HNRNPDL: variants seen among roughly 807,000 people sequenced by gnomAD.
The protein encoded by HNRNPDL is heterogeneous nuclear ribonucleoprotein D like.
Under a neutral mutation model 48.0 loss-of-function variants are expected in HNRNPDL, and 18 were observed. The ratio of observed to expected loss-of-function variants is 0.38; its 90% CI spans 0.26 to 0.56. The LOEUF is 0.56. Ranked by LOEUF, HNRNPDL falls within the 20% of genes least tolerant of loss-of-function variation. The pLI is 0.77. For synonymous variants in HNRNPDL, 306 were observed against 207.3 expected (o/e 1.48, Z -4.09); for missense variants, 553 against 540.7 (o/e 1.02, Z -0.23).
chr4:82,428,123 G>C lies in HNRNPDL; in HGVS notation c.669C>G (p.Ala223=). Residue 223 remains alanine (A), a synonymous_variant, in exon 3 of 8, where the codon GCC becomes GCG. Transcript: ENST00000295470. The part of the protein sequence containing the change: ...LDGKLIDPKR[A]KALKGKEPPK... ...GAGGTTCTTTCCCTTTTAAAGCTTTGGCCCTTTTGGGATCTATCAATTTGC... is the reference window on the plus strand; with the variant it reads ...GAGGTTCTTTCCCTTTTAAAGCTTTCGCCCTTTTGGGATCTATCAATTTGC... 1 of 1,613,998 alleles carries C rather than the reference G, an allele frequency of 6.2e-7. No individual in the cohort carries two copies. Among genetic ancestry groups the C allele is most frequent in the Non-Finnish European group, 8.5e-7 (1 of 1,179,988 alleles).
rs1220584628 is a variant in HNRNPDL at position 82,424,744 on chromosome 4, A to C, written c.*162T>G. 1.3e-5 allele frequency: 2 copies of C among 152,552 alleles called. No individual in the cohort carries two copies. The highest frequency in any genetic ancestry group is 2.4e-5 in the African/African-American group (1 of 41,450). The allele number at this position is 152,552 out of a possible 1,614,324, so 9.4% of individuals were successfully genotyped here. On this transcript the variant is annotated 3_prime_UTR_variant, in exon 8 of 8. Coordinates refer to ENST00000295470, the MANE Select transcript of HNRNPDL (RefSeq NM_031372.4). ...GCAAAGGACAAAGTAAAAACAAAGAAAACTAATTGGCAGCTATATACAGTT... is the reference window on the plus strand; with the variant it reads ...GCAAAGGACAAAGTAAAAACAAAGACAACTAATTGGCAGCTATATACAGTT...
chr4:82,426,724 C>A, intron 5 of HNRNPDL, 91 bp from the exon 6 acceptor site: 1 of 1,060,540 alleles, frequency 9.4e-7, no homozygotes, highest in South Asian at 1.3e-5. Flanking sequence ...CTCTGCAAAT[C>A]TTAAAGGGCA....
At chr4:82,429,157 G>T in intron 1 of HNRNPDL, 91 bp downstream of exon 1, 2 of 1,231,320 alleles carry the variant, frequency 1.6e-6, no homozygotes. Context: ...TCGACTCTGA[G>T]AAAGAATGGG....
rs779963713 is a variant in HNRNPDL, at chr4:82,424,754, G to A, written c.*152C>T. ...AAGTAAAAACAAAGAAAACTAATTG[G>A]CAGCTATATACAGTTGGACACAATG... On this transcript the variant is annotated 3_prime_UTR_variant, in exon 8 of 8. Transcript: ENST00000295470. 6.6e-6 allele frequency: 1 copy of A among 152,364 alleles called. No homozygotes were observed. Among genetic ancestry groups the A allele is most frequent in the African/African-American group, 2.4e-5 (1 of 41,408 alleles). The allele number at this position is 152,364 out of a possible 1,614,324, so 9.4% of individuals were successfully genotyped here. A position where few individuals can be genotyped will look rare whatever the true frequency, so the allele number is the denominator to read the frequency against.
In HNRNPDL at chr4:82,429,369, C is replaced by G; in HGVS notation, c.322G>C (p.Ala108Pro). Residue 108 changes from alanine (A) to proline (P), a missense_variant, in exon 1 of 8, where the codon GCG becomes CCG. Physicochemically the swap from Ala to Pro is conservative, Grantham distance 27. Transcript: ENST00000295470. ...CTGTCGGCAGGGGGGTGCTGGCGCG[C>G]AGTCCGGGTCGCGGCAGCAGCGGCG... ...SAAAAAATRTARQHPPADSSV... is the reference protein window; with the variant it reads ...SAAAAAATRTPRQHPPADSSV... The G allele has an allele frequency of 3.1e-6, 5 of 1,613,610 alleles. No homozygotes were observed. Among genetic ancestry groups the G allele is most frequent in the Non-Finnish European group, 4.2e-6 (5 of 1,179,838 alleles).
At chr4:82,428,920 G>A (rs996701808) in intron 1 of HNRNPDL, among the ~76,000 whole-genome samples, 1 of 152,234 alleles carries the variant, frequency 6.6e-6, no homozygotes, top group Non-Finnish European at 1.5e-5. Context: ...TGGTAACAGA[G>A]ACACAATGAA....
chr4:82,427,348 AAAATT>A, intron 4 of HNRNPDL, 44 bp from the exon 5 acceptor site: 3 of 1,537,452 alleles, frequency 2.0e-6, no homozygotes, highest in Non-Finnish European at 2.6e-6. Flanking sequence ...CCGAAGTTCT[AAAATT>A]AAATCATTTT....
intron 5 of HNRNPDL, 43 bp from the exon 6 acceptor site, chr4:82,426,676 C>A: frequency 6.5e-7 from 1 of 1,537,794 alleles, no homozygotes; most frequent in Non-Finnish European, 9.0e-7. Flanking sequence ...ACTTCTGACC[C>A]CCAATTCTAA....
chr4:82,429,276 T>C lies in HNRNPDL; in HGVS notation c.415A>G (p.Asn139Asp), dbSNP rs1237939682. The change falls in exon 1 of 8, where the codon AAC becomes GAC. Residue 139 changes from asparagine to aspartate, a missense_variant. Coordinates refer to ENST00000295470, the MANE Select transcript of HNRNPDL (RefSeq NM_031372.4). ...TCATCCTGCTGATTCTTGCTCGCGT[T>C]GATCTTGGATCCCTCTGCGAATTCC... ...IEEFAEGSKI[N>D]ASKNQQDDGK... 2 of 1,613,594 alleles carry C rather than the reference T, an allele frequency of 1.2e-6. No homozygotes were observed. Among genetic ancestry groups the C allele is most frequent in the Admixed American group, 3.3e-5 (2 of 60,004 alleles).
Position 82,429,599 on chromosome 4 carries a change from C to T in HNRNPDL, c.92G>A (p.Arg31Gln), listed in dbSNP as rs769430117. 1 of 1,377,730 alleles carries T rather than the reference C, an allele frequency of 7.3e-7. No individual in the cohort carries two copies. Among genetic ancestry groups the T allele is most frequent in the East Asian group, 3.0e-5 (1 of 33,102 alleles). The allele number at this position is 1,377,730 out of a possible 1,614,324, so 85.3% of individuals were successfully genotyped here. The change falls in exon 1 of 8, where the codon CGG (arginine) becomes CAG (glutamine). Residue 31 changes from arginine (R) to glutamine (Q), a missense_variant. Coordinates refer to ENST00000295470, the MANE Select transcript of HNRNPDL (RefSeq NM_031372.4). ...GGCTAGCTGCCGCGGCGGCCGCGGC[C>T]GCCAATGGGAGAGGCTGCGGGAGGC... ...TLASRSLSHW[R>Q]PRPPRQLAPL...
rs1484279022 is a variant in HNRNPDL at position 82,427,217 on chromosome 4, G to GTCC, written c.991_993dup (p.Gly331dup). 3.7e-6 allele frequency: 6 copies of GTCC among 1,613,264 alleles called. No individual in the cohort carries two copies. In the East Asian group the frequency reaches 1.1e-4, roughly 30 times the overall value. ...CGGCCACGACCCCTCGTACCACCTC[G>GTCC]TCCACCAGCTGCAGCACCTCTTCCA... is the stretch of plus-strand genomic sequence containing the variant. On this transcript the variant is annotated inframe_insertion, in exon 5 of 8. Coordinates refer to ENST00000295470, the MANE Select transcript of HNRNPDL (RefSeq NM_031372.4).
intron 7 of HNRNPDL, 120 bp downstream of exon 7, chr4:82,425,917 A>T: frequency 1.5e-6 from 1 of 676,038 alleles, no homozygotes; most frequent in Non-Finnish European, 2.5e-6. Context: ...TAAAGCAATT[A>T]AAAAATCAAC....
Position 82,429,960 on chromosome 4 carries a change from T to G in HNRNPDL, c.-270A>C. ...CGCTGCGGCGGCCGCTGCTACCGAC[T>G]AGCACCGCGGCCAGTCTGCTCCGGA... On this transcript the variant is annotated 5_prime_UTR_variant, in exon 1 of 8. Coordinates refer to ENST00000295470, the MANE Select transcript of HNRNPDL (RefSeq NM_031372.4). 9 of 264,492 alleles carry G rather than the reference T, an allele frequency of 3.4e-5. No individual in the cohort carries two copies. The highest frequency in any genetic ancestry group is 1.7e-4 in the South Asian group (1 of 6,040). 16.4% of individuals were successfully genotyped at this position (264,492 alleles called of 1,614,324 possible).
chr4:82,426,707 T>C, intron 5 of HNRNPDL, 74 bp from the exon 6 acceptor site: 1 of 1,226,192 alleles, frequency 8.2e-7, no homozygotes, highest in Non-Finnish European at 1.2e-6. Flanking sequence ...TGCGTTCTTG[T>C]CTCTCACTCT....
chr4:82,423,589 T>C lies in HNRNPDL; in HGVS notation c.*1317A>G, dbSNP rs1721282926. 6.6e-6 allele frequency: 1 copy of C among 151,992 alleles called. No individual in the cohort carries two copies. Among genetic ancestry groups the C allele is most frequent in the Non-Finnish European group, 1.5e-5 (1 of 68,008 alleles). 9.4% of individuals were successfully genotyped at this position (151,992 alleles called of 1,614,324 possible). A position where few individuals can be genotyped will look rare whatever the true frequency, so the allele number is the denominator to read the frequency against. Reference sequence around the variant, plus strand: ...TTACCAGTTTTGTGAGATCACCCGTTGTGTGAGATCAACTACTCTGCCTGT... The same window carrying C: ...TTACCAGTTTTGTGAGATCACCCGTCGTGTGAGATCAACTACTCTGCCTGT... On this transcript the variant is annotated 3_prime_UTR_variant, in exon 8 of 8. Transcript: ENST00000295470.
rs1491280832 is a variant in HNRNPDL at position 82,424,442 on chromosome 4, T to TG, written c.*463dup. ...AGAAATCTCAGTTACAGGGAGAAGA[T>TG]GAAGCCTTAAGAGCATAAAATACAC... On this transcript the variant is annotated 3_prime_UTR_variant, in exon 8 of 8. Coordinates refer to ENST00000295470, the MANE Select transcript of HNRNPDL (RefSeq NM_031372.4). 8.5e-5 allele frequency: 13 copies of TG among 152,650 alleles called. No homozygotes were observed. The highest frequency in any genetic ancestry group is 1.3e-4 in the Non-Finnish European group (9 of 68,046). The allele number at this position is 152,650 out of a possible 1,614,324, so 9.5% of individuals were successfully genotyped here.
intron 1 of HNRNPDL, 134 bp from the exon 2 acceptor site, chr4:82,428,580 A>C (rs1721518102): frequency 1.4e-6 from 1 of 728,774 alleles, no homozygotes; most frequent in Non-Finnish European, 2.2e-6. Flanking sequence ...TTTACATTTA[A>C]TCTATGTCAC....
chr4:82,428,216 T>A (rs750052144), intron 2 of HNRNPDL, 37 bp from the exon 3 acceptor site: 3 of 1,609,020 alleles, frequency 1.9e-6, no homozygotes, highest in Non-Finnish European at 2.6e-6. Flanking sequence ...CAGCACCATA[T>A]AACCCCCAGA....
chr4:82,427,141 A>G (rs542418945), intron 5 of HNRNPDL, 49 bp downstream of exon 5: 1 of 1,209,094 alleles, frequency 8.3e-7, no homozygotes, highest in South Asian at 1.2e-5. Flanking sequence ...ATTCAGCAGT[A>G]TACAGCTTAA....
Sources: gnomAD v4.1 joint callset for allele counts (sites outside exome capture counted in the v4.1 genomes callset) on GRCh38, gnomAD v4.1.1 for gene constraint, MANE v1.5 for transcripts, NCBI Gene and HGNC (gene_info 2026-07-23, HGNC 2026-07-21) for gene names.